Variants in NFATC2 observed in about 807,000 individuals in gnomAD.
The protein encoded by NFATC2 is nuclear factor of activated T cells 2.
NFATC2 carries 22 observed loss-of-function variants against 87.3 expected under a neutral mutation model. The ratio of observed to expected loss-of-function variants is 0.25; its 90% confidence interval spans 0.18 to 0.36. The LOEUF (loss-of-function observed/expected upper bound fraction) is 0.36. Among genes scored for constraint, NFATC2 ranks in the 10% least tolerant of loss-of-function variants. The pLI is 1.00. For missense variants in NFATC2, 1,149 were observed against 1,259.1 expected (o/e 0.91, Z 1.32); for synonymous variants, 565 against 542.2 (o/e 1.04, Z -0.58).
chr20:51,476,672 C>T (rs1988743879), intron 3 of NFATC2, among the ~76,000 whole-genome samples: 1 of 152,132 alleles, frequency 6.6e-6, no homozygotes, highest in East Asian at 1.9e-4. Context: ...ATCTCTAGCA[C>T]CTAGAGTAAC....
intron 2 of NFATC2, among the ~76,000 whole-genome samples, chr20:51,517,884 T>C (rs1260060285): frequency 6.6e-6 from 1 of 150,942 alleles, no homozygotes; most frequent in South Asian, 2.1e-4. Context: ...GCCACTGCAC[T>C]TTAGCCTGGG....
chr20:51,396,034 G>GTATA (rs1325327900), intron 10 of NFATC2, among the ~76,000 whole-genome samples: 2 of 126,510 alleles, frequency 1.6e-5, no homozygotes, highest in Admixed American at 8.3e-5. Flanking sequence ...TCAGCTCCTA[G>GTATA]TATGTATATA....
At chr20:51,418,951 A>ACCCCCCCCC (rs138137281) in intron 9 of NFATC2, among the ~76,000 whole-genome samples, 6 of 145,918 alleles carry the variant, frequency 4.1e-5, no homozygotes, top group African/African-American at 1.3e-4. Flanking sequence ...GGCGTGAGCC[A>ACCCCCCCCC]CCCCCACCGC....
At chr20:51,531,905 G>C (rs934816109) in intron 1 of NFATC2, among the ~76,000 whole-genome samples, 4 of 152,130 alleles carry the variant, frequency 2.6e-5, no homozygotes, top group Admixed American at 2.6e-4. Context: ...AAATAAAATG[G>C]GTTGGTCAGC....
At position 51,523,286 on chromosome 20, in the gene NFATC2, G is replaced by C. The variant is rs768194029; in HGVS notation, c.955C>G (p.Pro319Ala). 6.2e-7 allele frequency: 1 copy of C among 1,613,724 alleles called. No individual in the cohort carries two copies. The highest frequency in any genetic ancestry group is 8.5e-7 in the Non-Finnish European group (1 of 1,179,836). ...GGGCTGGTCTTCCACATCTTGGGGG[G>C]GATCCCACAAGGCGAGTCCGTGGCG... is the stretch of plus-strand genomic sequence containing the variant. ...SLATDSPCGIPPKMWKTSPDP... is the reference protein window; with the variant it reads ...SLATDSPCGIAPKMWKTSPDP... The change falls in exon 2 of 11, where the codon CCC (proline) becomes GCC (alanine). Residue 319 changes from proline to alanine, a missense_variant. Physicochemically the swap from Pro to Ala is conservative, Grantham distance 27. Transcript: ENST00000371564. This position sits in a 1 kb window ranked among gnomAD's most constrained non-coding sequence, Gnocchi z 6.9.
chr20:51,437,733 C>T (rs1050239476), intron 6 of NFATC2, among the ~76,000 whole-genome samples: 2 of 152,162 alleles, frequency 1.3e-5, no homozygotes, highest in Non-Finnish European at 2.9e-5. Context: ...AAGACATGGG[C>T]TATGTTAAAA....
At chr20:51,562,666 G>A, upstream of NFATC2, 1 of 1,541,846 alleles carries the variant, frequency 6.5e-7, no homozygotes, top group Non-Finnish European at 8.8e-7. This position sits in a 1 kb window ranked among gnomAD's most constrained non-coding sequence, Gnocchi z 5.8. Flanking sequence ...GTTTGGAAAG[G>A]GGGATCTGTT....
intron 1 of NFATC2, among the ~76,000 whole-genome samples, chr20:51,525,861 T>C (rs867630031): frequency 9.9e-5 from 15 of 151,898 alleles, no homozygotes; most frequent in African/African-American, 3.6e-4. Flanking sequence ...CTATAAAGGC[T>C]TCTGGACACT....
chr20:51,417,607 C>A (rs1252260283), intron 9 of NFATC2, among the ~76,000 whole-genome samples: 1 of 152,208 alleles, frequency 6.6e-6, no homozygotes, highest in Admixed American at 6.5e-5. Context: ...TTATTGAACT[C>A]CGCACTTAGT....
intron 8 of NFATC2, among the ~76,000 whole-genome samples, chr20:51,434,648 C>A (rs898287132): frequency 2.0e-5 from 3 of 152,176 alleles, no homozygotes; most frequent in African/African-American, 4.8e-5. Flanking sequence ...CAGTGCCTGA[C>A]ACTCAGATAT....
At position 51,387,457 on chromosome 20, in the gene NFATC2, C is replaced by T. The variant is rs1985883809; in HGVS notation, c.*4039G>A. 6.6e-6 allele frequency: 1 copy of T among 152,204 alleles called. No homozygotes were observed. The highest frequency in any genetic ancestry group is 1.5e-5 in the Non-Finnish European group (1 of 68,040). 9.4% of individuals were successfully genotyped at this position (152,204 alleles called of 1,614,324 possible). A position where few individuals can be genotyped will look rare whatever the true frequency, so the allele number is the denominator to read the frequency against. On this transcript the variant is annotated 3_prime_UTR_variant, in exon 11 of 11. Coordinates refer to ENST00000371564, the MANE Select transcript of NFATC2 (RefSeq NM_012340.5). ...AGGACCCTGATGGCTCAGGGAGCAA[C>T]TCTCTGTTATCAACCACCAGAAAAG...
At chr20:51,546,436 T>C (rs2076890014), upstream of NFATC2, among the ~76,000 whole-genome samples, 1 of 152,222 alleles carries the variant, frequency 6.6e-6, no homozygotes, top group African/African-American at 2.4e-5. Context: ...AGGAGCAGAA[T>C]GCATGAGCTT....
chr20:51,525,657 G>A (rs2076532791), intron 1 of NFATC2, among the ~76,000 whole-genome samples: 1 of 151,808 alleles, frequency 6.6e-6, no homozygotes, highest in African/African-American at 2.4e-5. Flanking sequence ...CATCAGCCCT[G>A]ACTGCTCCAC....
intron 9 of NFATC2, among the ~76,000 whole-genome samples, chr20:51,409,404 G>A (rs1344060126): frequency 9.9e-5 from 15 of 152,186 alleles, no homozygotes; most frequent in Non-Finnish European, 7.3e-5. Flanking sequence ...CAGAGAAAAG[G>A]AAAGAATTAC....
intron 3 of NFATC2, among the ~76,000 whole-genome samples, chr20:51,503,752 A>AG: frequency 6.6e-6 from 1 of 152,206 alleles, no homozygotes; most frequent in Admixed American, 6.5e-5. Flanking sequence ...ACACAGGGAG[A>AG]GGAGGCTGGG....
At chr20:51,532,411 T>TC (rs1484324924) in intron 1 of NFATC2, among the ~76,000 whole-genome samples, 2 of 151,266 alleles carry the variant, frequency 1.3e-5, no homozygotes, top group Non-Finnish European at 2.9e-5. Flanking sequence ...GAAGCAAGGA[T>TC]CCCCCCCGGA....
intron 5 of NFATC2, 87 bp downstream of exon 5, chr20:51,473,893 T>A (rs2146510621): frequency 2.1e-6 from 3 of 1,438,384 alleles, no homozygotes; most frequent in East Asian, 2.3e-5. Context: ...CCACCCCGGG[T>A]ACCTCGCCCA....
chr20:51,555,705 C>G (rs2076972697), intron 1 of NFATC2, among the ~76,000 whole-genome samples: 1 of 152,188 alleles, frequency 6.6e-6, no homozygotes, highest in African/African-American at 2.4e-5. Flanking sequence ...ACTGAGCATC[C>G]CGAGCACATG....
At chr20:51,398,551 A>T in intron 10 of NFATC2, 92 bp downstream of exon 10, 1 of 795,996 alleles carries the variant, frequency 1.3e-6, no homozygotes, top group Non-Finnish European at 1.9e-6. Context: ...CAGCCTGTCA[A>T]GTTTTCTTAT....
Sources: allele counts gnomAD v4.1 joint callset (sites outside exome capture counted in the v4.1 genomes callset), GRCh38; gene constraint gnomAD v4.1.1; non-coding constraint Gnocchi (gnomAD v3.1); transcripts MANE v1.5; gene names NCBI Gene and HGNC (gene_info 2026-07-23, HGNC 2026-07-21).